GABRB1: variants seen among roughly 807,000 people sequenced by gnomAD.
The protein encoded by GABRB1 is gamma-aminobutyric acid receptor subunit beta-1.
GABRB1 carries 17 observed loss-of-function variants against 51.6 expected under a neutral mutation model. That is an observed-to-expected ratio of 0.33 (90% CI 0.23 to 0.49). The LOEUF (loss-of-function observed/expected upper bound fraction) is 0.49. Among genes scored for constraint, GABRB1 ranks in the 20% least tolerant of loss-of-function variants. The pLI, the probability that GABRB1 is intolerant of heterozygous loss-of-function variation, is 0.99. For missense variants in GABRB1, 410 were observed against 600.6 expected (o/e 0.68, Z 3.32); for synonymous variants, 247 against 218.9 (o/e 1.13, Z -1.14).
chr4:47,189,279 A>G (rs1357454448), intron 4 of GABRB1, among the ~76,000 whole-genome samples: 1 of 151,942 alleles, frequency 6.6e-6, no homozygotes, highest in Non-Finnish European at 1.5e-5. Flanking sequence ...CACTGGAGTC[A>G]AGCCAAGATA....
chr4:47,259,797 G>T (rs1722355182), intron 4 of GABRB1, among the ~76,000 whole-genome samples: 1 of 152,098 alleles, frequency 6.6e-6, no homozygotes, highest in Non-Finnish European at 1.5e-5. Flanking sequence ...ACATTTTGTG[G>T]CTCATTTCTC....
intron 5 of GABRB1, among the ~76,000 whole-genome samples, chr4:47,386,416 G>A (rs1727796463): frequency 6.6e-6 from 1 of 152,114 alleles, no homozygotes; most frequent in Non-Finnish European, 1.5e-5. Flanking sequence ...GAGGCTACAA[G>A]CTGTTTGTTT....
At chr4:47,085,824 C>T (rs1460577434) in intron 3 of GABRB1, among the ~76,000 whole-genome samples, 1 of 152,126 alleles carries the variant, frequency 6.6e-6, no homozygotes, top group East Asian at 1.9e-4. Context: ...CCGGCTGTGC[C>T]CTGTCACCTC....
intron 5 of GABRB1, among the ~76,000 whole-genome samples, chr4:47,360,271 A>G (rs889033938): frequency 2.6e-5 from 4 of 152,092 alleles, no homozygotes; most frequent in Non-Finnish European, 1.5e-5. Context: ...AGTAGGAAAC[A>G]TCATTTTTAG....
intron 1 of GABRB1, among the ~76,000 whole-genome samples, chr4:47,001,205 C>G (rs566733019): frequency 6.6e-5 from 10 of 152,172 alleles, no homozygotes; most frequent in Admixed American, 3.3e-4. Flanking sequence ...TACAGTGGCG[C>G]GATCTGGGCT....
At chr4:47,295,073 A>G (rs915773524) in intron 4 of GABRB1, among the ~76,000 whole-genome samples, 1 of 152,240 alleles carries the variant, frequency 6.6e-6, no homozygotes, top group Admixed American at 6.5e-5. Context: ...AAAACTAACA[A>G]ACAGAAAGGA....
intron 3 of GABRB1, among the ~76,000 whole-genome samples, chr4:47,093,159 A>G (rs975794334): frequency 6.6e-6 from 1 of 152,300 alleles, no homozygotes; most frequent in East Asian, 1.9e-4. Context: ...ACTGAAGAAT[A>G]CTTTCTTTTT....
chr4:47,246,299 T>TATATATATAC (rs1329276891), intron 4 of GABRB1, among the ~76,000 whole-genome samples: 9 of 84,170 alleles, frequency 1.1e-4, no homozygotes, highest in African/African-American at 1.4e-4. Context: ...TATATATATA[T>TATATATATAC]ACACACACAC....
upstream of GABRB1, among the ~76,000 whole-genome samples, chr4:47,026,778 T>G (rs546366909): frequency 6.6e-6 from 1 of 152,186 alleles, no homozygotes; most frequent in South Asian, 2.1e-4. Context: ...TAAATGCATT[T>G]AATTATACAG....
At chr4:47,107,033 C>A (rs1714999726) in intron 3 of GABRB1, among the ~76,000 whole-genome samples, 1 of 152,010 alleles carries the variant, frequency 6.6e-6, no homozygotes, top group Admixed American at 6.6e-5. Flanking sequence ...TCCTTTATGG[C>A]AGGAAAATAA....
chr4:47,279,576 T>C (rs1012579868), intron 4 of GABRB1, among the ~76,000 whole-genome samples: 2 of 152,156 alleles, frequency 1.3e-5, no homozygotes, highest in African/African-American at 4.8e-5. Context: ...TTGCTTTATA[T>C]ATTTAGGTGC....
At chr4:47,079,646 C>G (rs1267653854) in intron 3 of GABRB1, among the ~76,000 whole-genome samples, 1 of 152,014 alleles carries the variant, frequency 6.6e-6, no homozygotes, top group Non-Finnish European at 1.5e-5. Flanking sequence ...GGCACATATA[C>G]ACCATGGAAT....
chr4:47,117,741 A>T (rs149074939), intron 3 of GABRB1, among the ~76,000 whole-genome samples: 1 of 152,210 alleles, frequency 6.6e-6, no homozygotes, highest in Non-Finnish European at 1.5e-5. Context: ...ATCTTTTTAT[A>T]TAATAAAGGT....
intron 5 of GABRB1, among the ~76,000 whole-genome samples, chr4:47,379,339 GA>G (rs1727511589): frequency 6.6e-6 from 1 of 152,064 alleles, no homozygotes; most frequent in Non-Finnish European, 1.5e-5. Context: ...ACCATACTTT[GA>G]GTACCAATAC....
At chr4:47,413,052 A>G (rs1418991412) in intron 8 of GABRB1, among the ~76,000 whole-genome samples, 2 of 152,252 alleles carry the variant, frequency 1.3e-5, no homozygotes, top group Non-Finnish European at 2.9e-5. Flanking sequence ...CCTGGCTTCC[A>G]GGTAGCCCTT....
intron 3 of GABRB1, among the ~76,000 whole-genome samples, chr4:47,046,741 A>G (rs1726107019): frequency 6.6e-6 from 1 of 152,140 alleles, no homozygotes; most frequent in African/African-American, 2.4e-5. Flanking sequence ...ATCAACCTAA[A>G]TGCCCATCAA....
Position 47,057,900 on chromosome 4 carries a change from G to A in GABRB1, c.240+25416G>A, listed in dbSNP as rs144082788. Among the ~76,000 whole-genome samples the A allele has an allele frequency of 2.2e-3, 330 of 152,310 alleles. 1 individual carries two copies. The highest frequency in any genetic ancestry group is 7.4e-3 in the African/African-American group (308 of 41,586). ...GATATTATACAGGATAGAATGGACA[G>A]AAGTGTGGTAAAGTATGTTCCTGAT... is the stretch of plus-strand genomic sequence containing the variant. On this transcript the variant is annotated intron_variant, in intron 3 of 8. Coordinates refer to ENST00000295454, the MANE Select transcript of GABRB1 (RefSeq NM_000812.4).
At chr4:47,253,071 G>A (rs1722054160) in intron 4 of GABRB1, among the ~76,000 whole-genome samples, 1 of 152,162 alleles carries the variant, frequency 6.6e-6, no homozygotes, top group Non-Finnish European at 1.5e-5. Flanking sequence ...GCAAAGTGAG[G>A]TACAAAGAGG....
chr4:47,032,040 C>T lies in GABRB1; in HGVS notation c.172+35C>T, dbSNP rs1330730315. On this transcript the variant is annotated intron_variant, in intron 2 of 8. Transcript: ENST00000295454. ...CATCTTTTTTCAACCTGTAACCCAT[C>T]CTTAGTTCTCCTTTTCTGTCAAAGA... 5 of 1,408,064 alleles carry T rather than the reference C, an allele frequency of 3.6e-6. No homozygotes were observed. In the African/African-American group the frequency reaches 5.8e-5, roughly 16 times the overall value. The allele number at this position is 1,408,064 out of a possible 1,614,324, so 87.2% of individuals were successfully genotyped here. A position where few individuals can be genotyped will look rare whatever the true frequency, so the allele number is the denominator to read the frequency against.
Sources: gnomAD v4.1 joint callset for allele counts (sites outside exome capture counted in the v4.1 genomes callset) on GRCh38, gnomAD v4.1.1 for gene constraint, MANE v1.5 for transcripts, NCBI Gene and HGNC (gene_info 2026-07-23, HGNC 2026-07-21) for gene names.